KIR2DL3: variants seen among roughly 807,000 people sequenced by gnomAD.
The protein encoded by KIR2DL3 is killer cell immunoglobulin like receptor, two Ig domains and long cytoplasmic tail 3, also known as killer cell immunoglobulin-like receptor 2DL3.
Under a neutral mutation model 33.8 loss-of-function variants are expected in KIR2DL3, and 39 were observed. The ratio of observed to expected loss-of-function variants is 1.15; its 90% CI spans 0.89 to 1.51. The LOEUF (loss-of-function observed/expected upper bound fraction) is 1.51. Ranked by LOEUF, KIR2DL3 falls within the 40% of genes most tolerant of loss-of-function variation. The pLI, the probability that KIR2DL3 is intolerant of heterozygous loss-of-function variation, is 0.00. For synonymous variants in KIR2DL3, 174 were observed against 160.2 expected (o/e 1.09, Z -0.65); for missense variants, 462 against 426.2 (o/e 1.08, Z -0.74).
intron 5 of KIR2DL3, among the ~76,000 whole-genome samples, chr19:54,751,396 G>C (rs563988192): frequency 8.1e-4 from 96 of 118,694 alleles, no homozygotes; most frequent in East Asian, 2.1e-3. Flanking sequence ...ACCTCCCACA[G>C]TGGGGGTGAA....
chr19:54,741,276 G>A (rs1298032562), intron 2 of KIR2DL3, among the ~76,000 whole-genome samples: 1 of 151,320 alleles, frequency 6.6e-6, no homozygotes, highest in Non-Finnish European at 1.5e-5. Flanking sequence ...GGAGACAGAG[G>A]TTGCAGTGAG....
At chr19:54,738,712 C>A in intron 1 of KIR2DL3, 133 bp downstream of exon 1, 1 of 737,264 alleles carries the variant, frequency 1.4e-6, no homozygotes, top group Non-Finnish European at 1.9e-6. Context: ...AGATCTGGGC[C>A]TGGAGTGGAG....
In KIR2DL3 at chr19:54,742,145, G is replaced by A; in HGVS notation, c.236G>A (p.Gly79Glu). The stretch of plus-strand genomic sequence containing the variant: ...CACCTCATTGGAGAGCACCATGATG[G>A]GGTCTCCAAGGCCAACTTCTCCATC... The part of the protein sequence containing the change: ...TLHLIGEHHD[G>E]VSKANFSIGP... The change falls in exon 3 of 8, where the codon GGG becomes GAG. Residue 79 changes from glycine to glutamate, a missense_variant. Gly to Glu is a moderately conservative substitution (Grantham distance 98, BLOSUM62 -2). Coordinates refer to ENST00000342376, the MANE Select transcript of KIR2DL3 (RefSeq NM_015868.3). 14 of 1,614,086 alleles carry A rather than the reference G, an allele frequency of 8.7e-6. No homozygotes were observed. The highest frequency in any genetic ancestry group is 1.2e-5 in the Non-Finnish European group (14 of 1,180,018).
chr19:54,751,284 A>C (rs2073378375), intron 5 of KIR2DL3, among the ~76,000 whole-genome samples: 2 of 130,968 alleles, frequency 1.5e-5, no homozygotes, highest in Non-Finnish European at 3.3e-5. Flanking sequence ...GCTCTCCAGG[A>C]ACTAATAGAA....
intron 5 of KIR2DL3, 42 bp from the exon 6 acceptor site, chr19:54,751,607 C>T (rs1340049750): frequency 1.4e-6 from 2 of 1,384,912 alleles, no homozygotes; most frequent in Admixed American, 1.8e-5. Flanking sequence ...TAAAGAGGAA[C>T]TGCTATGATT....
Position 54,739,407 on chromosome 19 carries a change from C to T in KIR2DL3, c.35-100C>T, listed in dbSNP as rs1600291290. On this transcript the variant is annotated intron_variant, in intron 1 of 7. Coordinates refer to ENST00000342376, the MANE Select transcript of KIR2DL3 (RefSeq NM_015868.3). The stretch of plus-strand genomic sequence containing the variant: ...ACTGAGGGTGAGTTTAACTTCAGCC[C>T]AGGAAGGGCCTGGCTGCCAAGACTC... 3 of 1,597,094 alleles carry T rather than the reference C, an allele frequency of 1.9e-6. No homozygotes were observed. The East Asian group carries it at 6.7e-5, about 36-fold the overall frequency.
At chr19:54,745,702 G>C (rs1312469106) in intron 4 of KIR2DL3, among the ~76,000 whole-genome samples, 1 of 151,656 alleles carries the variant, frequency 6.6e-6, no homozygotes, top group African/African-American at 2.4e-5. Flanking sequence ...ACTTTTCTCC[G>C]TAAAGGCTGT....
intron 1 of KIR2DL3, among the ~76,000 whole-genome samples, chr19:54,738,877 GATATGGGCCTGGAGTGGA>G (rs2146958799): frequency 1.1e-5 from 1 of 88,108 alleles, no homozygotes; most frequent in Admixed American, 1.4e-4. Flanking sequence ...CTGGAGTGGA[GATATGGGCCTGGAGTGGA>G]GATATGGGCC....
chr19:54,743,636 G>A (rs1296765629), intron 3 of KIR2DL3, among the ~76,000 whole-genome samples, 159 bp from the exon 4 acceptor site: 2 of 151,258 alleles, frequency 1.3e-5, no homozygotes, highest in Non-Finnish European at 2.9e-5. Flanking sequence ...CAGAGAAGGT[G>A]GAAGAAGGAA....
chr19:54,744,934 ATATATATATATATATATATAT>A (rs1431977844), intron 4 of KIR2DL3, among the ~76,000 whole-genome samples: 8 of 24,636 alleles, frequency 3.2e-4, no homozygotes, highest in Non-Finnish European at 4.3e-4. Context: ...ATATATATAT[ATATATATATATATATATATAT>A]TTTTTTTTTT....
At position 54,747,208 on chromosome 19, in the gene KIR2DL3, G is replaced by T. The variant is rs1160053328; in HGVS notation, c.665-127G>T. 1.4e-4 allele frequency: 158 copies of T among 1,127,846 alleles called. No individual in the cohort carries two copies. In the South Asian group the frequency reaches 2.0e-3, roughly 14 times the overall value. The allele number at this position is 1,127,846 out of a possible 1,614,324, so 69.9% of individuals were successfully genotyped here. ...CACATACAAAAATTACGGAAAAAAG[G>T]ATCCCAGGACTCCCAGGGCCCAATA... On this transcript the variant is annotated intron_variant, in intron 4 of 7. Transcript: ENST00000342376.
intron 3 of KIR2DL3, among the ~76,000 whole-genome samples, chr19:54,743,045 C>A (rs1409524770): frequency 2.6e-5 from 4 of 151,466 alleles, no homozygotes; most frequent in Non-Finnish European, 4.4e-5. Context: ...AAATTAGAGT[C>A]CTGAGAGAGA....
intron 2 of KIR2DL3, among the ~76,000 whole-genome samples, chr19:54,740,126 G>A (rs1399971402): frequency 7.9e-5 from 12 of 152,254 alleles, no homozygotes; most frequent in African/African-American, 2.4e-4. Flanking sequence ...ATGTCTTTGC[G>A]GGATGGGTCC....
At chr19:54,744,354 A>G (rs1323962138) in intron 4 of KIR2DL3, among the ~76,000 whole-genome samples, 1 of 152,120 alleles carries the variant, frequency 6.6e-6, no homozygotes, top group Non-Finnish European at 1.5e-5. Context: ...GACTGGGCTC[A>G]GTTTGGGAAG....
intron 3 of KIR2DL3, among the ~76,000 whole-genome samples, chr19:54,742,915 C>G (rs1197889948): frequency 2.0e-5 from 3 of 151,456 alleles, no homozygotes; most frequent in Non-Finnish European, 4.4e-5. Flanking sequence ...AAAGCAAAGA[C>G]ATAAACACAC....
intron 4 of KIR2DL3, 107 bp from the exon 5 acceptor site, chr19:54,747,228 C>T (rs1316813543): frequency 2.9e-6 from 4 of 1,390,366 alleles, no homozygotes; most frequent in African/African-American, 1.4e-5. Context: ...CTCCCAGGGC[C>T]CAATATTAGA....
In KIR2DL3 at chr19:54,743,831, G is replaced by T. The variant is rs757242067; in HGVS notation, c.407G>T (p.Gly136Val). The T allele has an allele frequency of 4.3e-6, 7 of 1,612,094 alleles. No individual in the cohort carries two copies. Among genetic ancestry groups the T allele is most frequent in the African/African-American group, 4.0e-5 (3 of 74,544 alleles). The change falls in exon 4 of 8, where the codon GGC becomes GTC. Residue 136 changes from glycine (G) to valine (V), a missense_variant. Coordinates refer to ENST00000342376, the MANE Select transcript of KIR2DL3 (RefSeq NM_015868.3). ...AAACCTTCTCTCTCAGCCCAGCCGG[G>T]CCCCACGGTTCTGGCAGGAGAGAGC... ...YEKPSLSAQPGPTVLAGESVT... is the reference protein window; with the variant it reads ...YEKPSLSAQPVPTVLAGESVT...
Position 54,744,087 on chromosome 19 carries a change from A to C in KIR2DL3, c.663A>C (p.Thr221=). ...GTGACCCACTGCTTGTTTCTGTCAC[A>C]GGTGAGGAAACCCCATATCTGTCTC... is the stretch of plus-strand genomic sequence containing the variant. ...NSSDPLLVSV[T]GNPSNSWPSP... The change falls in exon 4 of 8, where the codon ACA becomes ACC. Residue 221 remains threonine, a splice_region_variant and synonymous_variant. Coordinates refer to ENST00000342376, the MANE Select transcript of KIR2DL3 (RefSeq NM_015868.3). 1 of 1,614,172 alleles carries C rather than the reference A, an allele frequency of 6.2e-7. No homozygotes were observed. The highest frequency in any genetic ancestry group is 8.5e-7 in the Non-Finnish European group (1 of 1,180,026).
intron 3 of KIR2DL3, among the ~76,000 whole-genome samples, chr19:54,743,548 GA>G (rs2071599740): frequency 6.6e-5 from 10 of 152,328 alleles, no homozygotes; most frequent in South Asian, 2.1e-4. Flanking sequence ...AATCCAAGGA[GA>G]GTCAGAGAGA....
Sources: gnomAD v4.1 joint callset for allele counts (sites outside exome capture counted in the v4.1 genomes callset) on GRCh38, gnomAD v4.1.1 for gene constraint, MANE v1.5 for transcripts, NCBI Gene and HGNC (gene_info 2026-07-23, HGNC 2026-07-21) for gene names.